The following KCNQ1 variants were observed in gnomAD, a reference collection of about 807,000 sequenced individuals.
KCNQ1 encodes potassium voltage-gated channel subfamily Q member 1, also known as potassium voltage-gated channel subfamily KQT member 1.
In KCNQ1, 49 loss-of-function variants were observed where a neutral mutation model predicts 72.4. That is an observed-to-expected ratio of 0.68 (90% CI 0.54 to 0.86). The LOEUF is 0.86. KCNQ1 is among the 40% of genes least tolerant of loss of function. The pLI is 0.00. For synonymous variants in KCNQ1, 450 were observed against 412.6 expected (o/e 1.09, Z -1.10); for missense variants, 790 against 945.1 (o/e 0.84, Z 2.15).
rs372887391 is a variant in KCNQ1, at chr11:2,698,995, A to G, written c.1514+36914A>G. 2.5e-6 allele frequency: 1 copy of G among 398,624 alleles called. No individual in the cohort carries two copies. The highest frequency in any genetic ancestry group is 4.4e-6 in the Non-Finnish European group (1 of 226,058). The allele number at this position is 398,624 out of a possible 1,614,324, so 24.7% of individuals were successfully genotyped here. On this transcript the variant is annotated intron_variant, in intron 11 of 15. Transcript: ENST00000155840. This position sits in a 1 kb window ranked among gnomAD's most constrained non-coding sequence, Gnocchi z 5.1. ...AACGGGGATTCCCACCTCCGATCCT[A>G]ATTCGGGCCCTGACTCAGAACCACT...
chr11:2,842,564 G>A (rs1392799806), intron 15 of KCNQ1, among the ~76,000 whole-genome samples: 1 of 152,244 alleles, frequency 6.6e-6, no homozygotes, highest in Admixed American at 6.5e-5. Flanking sequence ...CTAATGGAAA[G>A]TGAAGGGAAT....
intron 11 of KCNQ1, among the ~76,000 whole-genome samples, chr11:2,730,284 C>T (rs761300608): frequency 5.3e-5 from 8 of 152,196 alleles, no homozygotes; most frequent in African/African-American, 7.2e-5. Flanking sequence ...TAGCTTCTTA[C>T]GGCTGCTGTA....
chr11:2,455,258 C>T (rs182133350), intron 1 of KCNQ1, among the ~76,000 whole-genome samples: 5 of 152,214 alleles, frequency 3.3e-5, no homozygotes, highest in East Asian at 3.9e-4. Context: ...CCACCACGCC[C>T]GGCTAATTTT....
intron 1 of KCNQ1, among the ~76,000 whole-genome samples, chr11:2,517,698 C>T (rs935820995): frequency 1.1e-4 from 16 of 152,316 alleles, no homozygotes; most frequent in African/African-American, 2.9e-4. Flanking sequence ...GAAGAGGGAC[C>T]GGTTTGGCCA....
chr11:2,750,616 G>A lies in KCNQ1; in HGVS notation c.1515-18228G>A, dbSNP rs1466552992. Reference sequence around the variant, plus strand: ...GTGCTCACAAATCACTTTTCTAGACGAAGACCAGTAAGAAGCCCATGTCAT... The same window carrying A: ...GTGCTCACAAATCACTTTTCTAGACAAAGACCAGTAAGAAGCCCATGTCAT... On this transcript the variant is annotated intron_variant, in intron 11 of 15. Coordinates refer to ENST00000155840, the MANE Select transcript of KCNQ1 (RefSeq NM_000218.3). This position sits in a 1 kb window ranked among gnomAD's most constrained non-coding sequence, Gnocchi z 6.3. 1.3e-5 allele frequency among the ~76,000 whole-genome samples: 2 copies of A among 152,164 alleles called. No homozygotes were observed. Among genetic ancestry groups the A allele is most frequent in the Non-Finnish European group, 1.5e-5 (1 of 68,030 alleles).
In KCNQ1 at chr11:2,481,880, A is replaced by C. The variant is rs559499324; in HGVS notation, c.386+36396A>C. On this transcript the variant is annotated intron_variant, in intron 1 of 15. Transcript: ENST00000155840. This position sits in a 1 kb window ranked among gnomAD's most constrained non-coding sequence, Gnocchi z 4.6. ...TATAATTATTTAATTCTATATTACA[A>C]TGTAATAATAGTAGAAATAAAGTGC... is the stretch of plus-strand genomic sequence containing the variant. 6.6e-6 allele frequency among the ~76,000 whole-genome samples: 1 copy of C among 152,184 alleles called. No individual in the cohort carries two copies. Among genetic ancestry groups the C allele is most frequent in the Non-Finnish European group, 1.5e-5 (1 of 68,038 alleles).
intron 11 of KCNQ1, chr11:2,688,360 G>A (rs1041414201): frequency 6.0e-5 from 24 of 398,630 alleles, no homozygotes; most frequent in African/African-American, 4.5e-4. Flanking sequence ...CGTGTCTGGG[G>A]AACTTCCCCG....
chr11:2,796,296 CTGTT>C (rs945102741), intron 15 of KCNQ1, among the ~76,000 whole-genome samples: 1 of 152,222 alleles, frequency 6.6e-6, no homozygotes, highest in Non-Finnish European at 1.5e-5. Context: ...TGATGAAGCT[CTGTT>C]TGAGATCACC....
chr11:2,795,250 C>A (rs1271686674), intron 15 of KCNQ1, among the ~76,000 whole-genome samples: 1 of 152,250 alleles, frequency 6.6e-6, no homozygotes, highest in Non-Finnish European at 1.5e-5. Context: ...AGGCCTTCGC[C>A]TCGGGCTGGA....
chr11:2,660,386 TC>T lies in KCNQ1; in HGVS notation c.1394-1573del, dbSNP rs769229810. The T allele has an allele frequency of 3.3e-3, 1,298 of 398,578 alleles. 2 individuals are homozygous for T. Among genetic ancestry groups the T allele is most frequent in the Non-Finnish European group, 4.9e-3 (1,105 of 226,054 alleles). The allele number at this position is 398,578 out of a possible 1,614,324, so 24.7% of individuals were successfully genotyped here. ...GTATTACGCTGATGTGGGAAAACCT[TC>T]CTTTTTTATAAAGCAAAAGATGTAT... On this transcript the variant is annotated intron_variant, in intron 10 of 15. Transcript: ENST00000155840.
chr11:2,702,068 GGCCTTCCTCA>G (rs1165434193), intron 11 of KCNQ1, among the ~76,000 whole-genome samples: 2 of 152,310 alleles, frequency 1.3e-5, no homozygotes, highest in East Asian at 1.9e-4. Flanking sequence ...GGCCTCCTCT[GGCCTTCCTCA>G]GCCTTCCTCA....
intron 15 of KCNQ1, among the ~76,000 whole-genome samples, chr11:2,792,796 T>C (rs1428653222): frequency 6.6e-6 from 1 of 152,188 alleles, no homozygotes; most frequent in Non-Finnish European, 1.5e-5. Flanking sequence ...GAGATCCAGC[T>C]CATGGCTTTG....
rs997273062 is a variant in KCNQ1, at chr11:2,482,902, C to A, written c.386+37418C>A. Among the ~76,000 whole-genome samples the A allele has an allele frequency of 5.3e-5, 8 of 152,256 alleles. No individual in the cohort carries two copies. The highest frequency in any genetic ancestry group is 3.3e-4 in the Admixed American group (5 of 15,296). ...CGAGGGTCACCCTCCAGGAAGTGAC[C>A]TGCAAGAGAATGGAGAGAGTCATGG... On this transcript the variant is annotated intron_variant, in intron 1 of 15. Transcript: ENST00000155840. The surrounding 1 kb of genome is among the most constrained non-coding windows in gnomAD (Gnocchi z 5.7).
rs543122652 is a variant in KCNQ1, at chr11:2,657,455, A to G, written c.1394-4506A>G. ...TAGATAATTAATATTCTTTTGTGCTATTGTATACAGGTTCTGTTTTCTCTT... is the reference window on the plus strand; with the variant it reads ...TAGATAATTAATATTCTTTTGTGCTGTTGTATACAGGTTCTGTTTTCTCTT... On this transcript the variant is annotated intron_variant, in intron 10 of 15. Coordinates refer to ENST00000155840, the MANE Select transcript of KCNQ1 (RefSeq NM_000218.3). This position sits in a 1 kb window ranked among gnomAD's most constrained non-coding sequence, Gnocchi z 4.8. 732 of 398,526 alleles carry G rather than the reference A, an allele frequency of 1.8e-3. 2 individuals carry two copies. The highest frequency in any genetic ancestry group is 2.8e-3 in the Non-Finnish European group (641 of 226,032). The allele number at this position is 398,526 out of a possible 1,614,324, so 24.7% of individuals were successfully genotyped here.
intron 11 of KCNQ1, chr11:2,665,975 C>G (rs1161258140): frequency 2.5e-6 from 1 of 398,536 alleles, no homozygotes; most frequent in Non-Finnish European, 4.4e-6. Context: ...CCCCAACTGC[C>G]AAGCCAGCCA....
intron 1 of KCNQ1, among the ~76,000 whole-genome samples, chr11:2,460,620 C>A (rs1846263479): frequency 6.6e-6 from 1 of 152,162 alleles, no homozygotes; most frequent in African/African-American, 2.4e-5. Context: ...GTAAGTGGAC[C>A]TTGGACCGCA....
At chr11:2,518,473 G>GC (rs1847324094) in intron 1 of KCNQ1, among the ~76,000 whole-genome samples, 1 of 152,202 alleles carries the variant, frequency 6.6e-6, no homozygotes, top group Non-Finnish European at 1.5e-5. Context: ...GGTGCTGCAG[G>GC]CACAGGAGTT....
At chr11:2,675,199 T>C in intron 11 of KCNQ1, 1 of 398,572 alleles carries the variant, frequency 2.5e-6, no homozygotes, top group Non-Finnish European at 4.4e-6. Context: ...TAGGTCAATA[T>C]TGTGTCATTT....
In KCNQ1 at chr11:2,484,991, G is replaced by T. The variant is rs931516829; in HGVS notation, c.386+39507G>T. Among the ~76,000 whole-genome samples the T allele has an allele frequency of 6.6e-6, 1 of 152,082 alleles. No homozygotes were observed. Among genetic ancestry groups the T allele is most frequent in the Admixed American group, 6.5e-5 (1 of 15,272 alleles). On this transcript the variant is annotated intron_variant, in intron 1 of 15. Coordinates refer to ENST00000155840, the MANE Select transcript of KCNQ1 (RefSeq NM_000218.3). The surrounding 1 kb of genome is among the most constrained non-coding windows in gnomAD (Gnocchi z 5.2). ...GAACTGGCTCCATACTTGCTGATGCGTGCCCCCATGAGAAGTGACTGACCA... is the reference window on the plus strand; with the variant it reads ...GAACTGGCTCCATACTTGCTGATGCTTGCCCCCATGAGAAGTGACTGACCA...
Sources: gnomAD v4.1 joint callset for allele counts (sites outside exome capture counted in the v4.1 genomes callset) on GRCh38, gnomAD v4.1.1 for gene constraint, Gnocchi (gnomAD v3.1) non-coding constraint, MANE v1.5 for transcripts, NCBI Gene and HGNC (gene_info 2026-07-23, HGNC 2026-07-21) for gene names.